AFF1: variants seen among roughly 807,000 people sequenced by gnomAD.
The protein encoded by AFF1 is ALF transcription elongation factor 1.
Under a neutral mutation model 121.7 loss-of-function variants are expected in AFF1, and 48 were observed. That is an observed-to-expected ratio of 0.39 (90% CI 0.31 to 0.50). AFF1 has a LOEUF of 0.50. Among genes scored for constraint, AFF1 ranks in the 20% least tolerant of loss-of-function variants. The pLI is 0.76. For synonymous variants in AFF1, 613 were observed against 563.0 expected (o/e 1.09, Z -1.26); for missense variants, 1,523 against 1,511.7 (o/e 1.01, Z -0.12).
At chr4:87,079,292 T>A (rs1722948976) in intron 4 of AFF1, among the ~76,000 whole-genome samples, 1 of 152,220 alleles carries the variant, frequency 6.6e-6, no homozygotes, top group Non-Finnish European at 1.5e-5. Context: ...TCTTTTTAGC[T>A]TATTAAAACA....
chr4:86,990,411 T>C (rs777793336), intron 2 of AFF1, among the ~76,000 whole-genome samples: 2 of 151,282 alleles, frequency 1.3e-5, no homozygotes, highest in Non-Finnish European at 2.9e-5. Context: ...TTTGGTAATA[T>C]CCAAAGAGCT....
At chr4:87,066,908 T>G (rs1721413721) in intron 4 of AFF1, among the ~76,000 whole-genome samples, 2 of 152,244 alleles carry the variant, frequency 1.3e-5, no homozygotes, top group Non-Finnish European at 2.9e-5. Context: ...AATTCAGAAT[T>G]TATTAGAAAC....
chr4:86,952,660 AAAAAAAAC>A (rs1428939125), intron 2 of AFF1, among the ~76,000 whole-genome samples: 2 of 151,160 alleles, frequency 1.3e-5, no homozygotes, highest in South Asian at 2.1e-4. Flanking sequence ...ACTTAAAGTA[AAAAAAAAC>A]AAAAAAACAA....
intron 4 of AFF1, among the ~76,000 whole-genome samples, chr4:87,072,148 A>G (rs1320672899): frequency 1.3e-5 from 2 of 152,082 alleles, no homozygotes; most frequent in Non-Finnish European, 2.9e-5. Context: ...CGGATCACGA[A>G]GTCAGGAGAT....
At chr4:87,132,183 G>A in intron 18 of AFF1, 88 bp from the exon 19 acceptor site, 2 of 1,489,774 alleles carry the variant, frequency 1.3e-6, no homozygotes, top group Admixed American at 2.2e-5. Context: ...GGCAAACCCG[G>A]TGTGTTCATT....
intron 8 of AFF1, among the ~76,000 whole-genome samples, chr4:87,095,705 G>A (rs1395100448): frequency 1.3e-5 from 2 of 152,176 alleles, no homozygotes; most frequent in Non-Finnish European, 2.9e-5. Flanking sequence ...AGTAAGTCCA[G>A]AAATATTTTG....
intron 4 of AFF1, among the ~76,000 whole-genome samples, chr4:87,068,257 G>GCCCC (rs70957204): frequency 0.051 from 6,116 of 119,102 alleles, 381 homozygotes; most frequent in Non-Finnish European, 0.072. Context: ...CATGAAAATT[G>GCCCC]CCCCCCCCCC....
chr4:87,002,494 C>T (rs1467542267), intron 2 of AFF1, among the ~76,000 whole-genome samples: 2 of 129,592 alleles, frequency 1.5e-5, no homozygotes, highest in African/African-American at 2.9e-5. Flanking sequence ...TGCAGTGGTG[C>T]GATCTCGGCT....
intron 8 of AFF1, among the ~76,000 whole-genome samples, chr4:87,101,043 C>T (rs567737841): frequency 6.6e-6 from 1 of 152,320 alleles, no homozygotes; most frequent in Non-Finnish European, 1.5e-5. Context: ...CTTGTTACCC[C>T]ATAATTCCTG....
At chr4:87,082,663 A>G (rs541792337) in intron 4 of AFF1, among the ~76,000 whole-genome samples, 2 of 152,256 alleles carry the variant, frequency 1.3e-5, no homozygotes, top group Non-Finnish European at 2.9e-5. Context: ...TCCTGGGCTC[A>G]GGCAATCTGC....
At chr4:86,969,587 A>AAAC (rs1211030210) in intron 2 of AFF1, among the ~76,000 whole-genome samples, 1 of 149,726 alleles carries the variant, frequency 6.7e-6, no homozygotes, top group Non-Finnish European at 1.5e-5. Context: ...TAAAAAAAAA[A>AAAC]AGGGTAAGAT....
At chr4:87,122,843 C>T (rs796834440) in intron 12 of AFF1, among the ~76,000 whole-genome samples, 20 of 92,744 alleles carry the variant, frequency 2.2e-4, no homozygotes, top group African/African-American at 7.6e-4. Flanking sequence ...TCTAATACCA[C>T]ATTAAAAACT....
At position 87,138,095 on chromosome 4, in the gene AFF1, C is replaced by T. The variant is rs1276960813; in HGVS notation, c.*2394C>T. 1 of 230,010 alleles carries T rather than the reference C, an allele frequency of 4.3e-6. No homozygotes were observed. The highest frequency in any genetic ancestry group is 2.2e-5 in the African/African-American group (1 of 44,946). 14.2% of individuals were successfully genotyped at this position (230,010 alleles called of 1,614,324 possible). A position where few individuals can be genotyped will look rare whatever the true frequency, so the allele number is the denominator to read the frequency against. On this transcript the variant is annotated 3_prime_UTR_variant, in exon 21 of 21. Transcript: ENST00000395146. ...GTCCCTTGAAAAAGTAACAAATGTG[C>T]ATAGATCAATTTGTACTACTTTGGT...
At chr4:86,979,967 G>C (rs996231172) in intron 2 of AFF1, among the ~76,000 whole-genome samples, 1 of 152,194 alleles carries the variant, frequency 6.6e-6, no homozygotes, top group Non-Finnish European at 1.5e-5. Context: ...CTGGAGTGCA[G>C]TGACGTGGCC....
chr4:86,943,662 A>G (rs919093014), intron 1 of AFF1, among the ~76,000 whole-genome samples: 7 of 152,056 alleles, frequency 4.6e-5, no homozygotes, highest in Non-Finnish European at 1.0e-4. Flanking sequence ...CTGTCTCTAC[A>G]AAAAATACAA....
intron 5 of AFF1, among the ~76,000 whole-genome samples, chr4:87,087,925 TAAAAC>T (rs1039053547): frequency 7.2e-5 from 11 of 152,230 alleles, no homozygotes; most frequent in African/African-American, 2.7e-4. Flanking sequence ...ACCAAGTAAA[TAAAAC>T]AGCAGGAAGC....
At chr4:86,995,222 G>A (rs1725023302) in intron 2 of AFF1, among the ~76,000 whole-genome samples, 1 of 151,400 alleles carries the variant, frequency 6.6e-6, no homozygotes, top group Non-Finnish European at 1.5e-5. Context: ...AACAGAATGA[G>A]ACCTTTTCTC....
chr4:87,001,990 A>G (rs1725761923), intron 2 of AFF1, among the ~76,000 whole-genome samples: 1 of 152,244 alleles, frequency 6.6e-6, no homozygotes, highest in Non-Finnish European at 1.5e-5. Flanking sequence ...TAGACCAAAA[A>G]TGCTACAAAG....
At chr4:87,070,666 G>A (rs1291700658) in intron 4 of AFF1, among the ~76,000 whole-genome samples, 1 of 152,244 alleles carries the variant, frequency 6.6e-6, no homozygotes, top group Non-Finnish European at 1.5e-5. Flanking sequence ...AAATTTAAAA[G>A]ATGGTGGGTG....
Sources: gnomAD v4.1 joint callset for allele counts (sites outside exome capture counted in the v4.1 genomes callset) on GRCh38, gnomAD v4.1.1 for gene constraint, MANE v1.5 for transcripts, NCBI Gene and HGNC (gene_info 2026-07-23, HGNC 2026-07-21) for gene names.